The following UQCC1 variants were observed in gnomAD, a reference collection of about 807,000 sequenced individuals.
The protein encoded by UQCC1 is ubiquinol-cytochrome c reductase complex assembly factor 1, also known as bFGF-repressed Zic-binding protein.
A neutral mutation model predicts 48.0 loss-of-function variants in UQCC1; 38 were observed. The ratio of observed to expected loss-of-function variants is 0.79; its 90% CI spans 0.61 to 1.04. The LOEUF (loss-of-function observed/expected upper bound fraction) is 1.04, where lower values mean the gene tolerates loss of function less well. Among genes scored for constraint, UQCC1 ranks in the 50% least tolerant of loss-of-function variants. The pLI is 0.00. For missense variants in UQCC1, 368 were observed against 381.8 expected, an observed-to-expected ratio of 0.96 and a Z score of 0.30; for synonymous variants, 111 against 129.2, an observed-to-expected ratio of 0.86 and a Z score of 0.95.
chr20:35,346,634 T>TAA (rs1356876323), intron 7 of UQCC1: 40 of 174,962 alleles, frequency 2.3e-4, no homozygotes, highest in South Asian at 1.8e-3. Flanking sequence ...TATATATATA[T>TAA]AATATATTCC....
At chr20:35,397,173 T>C (rs6088817) in intron 1 of UQCC1, among the ~76,000 whole-genome samples, 77,192 of 145,996 alleles carry the variant, frequency 0.53, 21,817 homozygotes, top group East Asian at 0.72. Context: ...CACTCCAGCC[T>C]GGGCGATAGA....
intron 7 of UQCC1, among the ~76,000 whole-genome samples, chr20:35,340,603 G>A (rs1158849637): frequency 6.6e-6 from 1 of 152,082 alleles, no homozygotes; most frequent in Non-Finnish European, 1.5e-5. Context: ...TCCCACCTCA[G>A]CCTCCCACAG....
At chr20:35,379,968 T>C (rs1022389287) in intron 4 of UQCC1, among the ~76,000 whole-genome samples, 4 of 152,078 alleles carry the variant, frequency 2.6e-5, no homozygotes, top group African/African-American at 9.7e-5. Flanking sequence ...GCAAAGGAAT[T>C]TTCCTGATGA....
chr20:35,400,178 G>A (rs1022387070), intron 1 of UQCC1, among the ~76,000 whole-genome samples: 7 of 151,898 alleles, frequency 4.6e-5, no homozygotes, highest in Admixed American at 2.6e-4. Context: ...CACCGGCCTC[G>A]GCTTCCCAAA....
intron 6 of UQCC1, among the ~76,000 whole-genome samples, chr20:35,355,876 C>T (rs1002400824): frequency 6.6e-6 from 1 of 150,600 alleles, no homozygotes; most frequent in African/African-American, 2.5e-5. Context: ...GCATTCTACA[C>T]ATACTATCTT....
chr20:35,378,608 C>T (rs529643045), intron 4 of UQCC1, among the ~76,000 whole-genome samples: 6 of 152,080 alleles, frequency 3.9e-5, no homozygotes, highest in Admixed American at 1.3e-4. Context: ...CCAGCCTGGG[C>T]GACAGAGCGA....
chr20:35,332,978 A>G (rs1032734830), intron 7 of UQCC1, among the ~76,000 whole-genome samples: 20 of 152,212 alleles, frequency 1.3e-4, no homozygotes, highest in Admixed American at 4.6e-4. Flanking sequence ...CTCATTTAAC[A>G]TAAGTGACTT....
chr20:35,303,960 G>T lies in UQCC1; in HGVS notation c.875C>A (p.Pro292Gln). 6.2e-7 allele frequency: 1 copy of T among 1,614,200 alleles called. No homozygotes were observed. The highest frequency in any genetic ancestry group is 8.5e-7 in the Non-Finnish European group (1 of 1,180,032). Residue 292 changes from proline to glutamine, a missense_variant, in exon 10 of 10, where the codon CCG (proline) becomes CAG (glutamine). Pro to Gln is a moderately conservative substitution (Grantham distance 76). Transcript: ENST00000374385. ...TCAAAGTCCCTCGTCGTTGTAAGTC[G>T]GAGAATGGGGCTTCAGGATGCTCTG... ...NPQSILKPHS[P>Q]TYNDEGL is the part of the protein sequence containing the mutation.
intron 8 of UQCC1, among the ~76,000 whole-genome samples, chr20:35,313,575 A>T (rs1159947052): frequency 6.6e-6 from 1 of 152,042 alleles, no homozygotes; most frequent in Non-Finnish European, 1.5e-5. Context: ...ATAAACTAGA[A>T]ATTAAGTTTT....
In UQCC1 at chr20:35,321,202, G is replaced by A. The variant is rs1600868124; in HGVS notation, c.574-6437C>T. On this transcript the variant is annotated intron_variant, in intron 7 of 9. Coordinates refer to ENST00000374385, the MANE Select transcript of UQCC1 (RefSeq NM_018244.5). Reference sequence around the variant, plus strand: ...CTGTTAACTCACATGCATTACGACTGAAAGATCTATTGAGGGTCTTTTAGC... The same window carrying A: ...CTGTTAACTCACATGCATTACGACTAAAAGATCTATTGAGGGTCTTTTAGC... 2.0e-5 allele frequency among the ~76,000 whole-genome samples: 3 copies of A among 152,180 alleles called. No homozygotes were observed. In the East Asian group the frequency reaches 5.8e-4, roughly 30 times the overall value.
chr20:35,321,283 T>TGTGTGTGTGC lies in UQCC1; in HGVS notation c.574-6519_574-6518insGCACACACAC, dbSNP rs1389196330. On this transcript the variant is annotated intron_variant, in intron 7 of 9. Transcript: ENST00000374385. ...GTGTGTGTGTGTGTGTGTGTGTGTG[T>TGTGTGTGTGC]GCGCGCGCGCGCGCGCACGCTCAGG... 8.6e-4 allele frequency among the ~76,000 whole-genome samples: 122 copies of TGTGTGTGTGC among 141,580 alleles called. 1 individual carries two copies. Among genetic ancestry groups the TGTGTGTGTGC allele is most frequent in the African/African-American group, 2.9e-3 (101 of 34,576 alleles). 92.9% of individuals were successfully genotyped at this position (141,580 alleles called of 152,430 possible).
intron 7 of UQCC1, among the ~76,000 whole-genome samples, chr20:35,323,491 A>C (rs1353545627): frequency 6.6e-6 from 1 of 152,242 alleles, no homozygotes; most frequent in Non-Finnish European, 1.5e-5. Context: ...ATTAAAGGAA[A>C]AGCCATATGC....
At chr20:35,389,380 C>T (rs537586286) in intron 2 of UQCC1, among the ~76,000 whole-genome samples, 8 of 151,756 alleles carry the variant, frequency 5.3e-5, no homozygotes, top group African/African-American at 9.7e-5. Context: ...CTGGCCAACA[C>T]GGTGAAACCC....
At chr20:35,379,303 C>T (rs2061838906) in intron 4 of UQCC1, among the ~76,000 whole-genome samples, 1 of 152,190 alleles carries the variant, frequency 6.6e-6, no homozygotes, top group Non-Finnish European at 1.5e-5. Flanking sequence ...TGTGGACAGA[C>T]ATGCAGGTAT....
chr20:35,385,051 T>C (rs576268532), intron 2 of UQCC1, among the ~76,000 whole-genome samples: 12 of 150,528 alleles, frequency 8.0e-5, no homozygotes, highest in Middle Eastern at 3.5e-3. Flanking sequence ...AACAGAACTG[T>C]AGTATCTATC....
At chr20:35,309,855 G>T (rs1600850371) in intron 8 of UQCC1, among the ~76,000 whole-genome samples, 1 of 152,226 alleles carries the variant, frequency 6.6e-6, no homozygotes, top group Non-Finnish European at 1.5e-5. Context: ...CAGCAATATG[G>T]TCTGAGCTCT....
At chr20:35,352,159 C>T (rs1333282479) in intron 6 of UQCC1, among the ~76,000 whole-genome samples, 15 of 152,170 alleles carry the variant, frequency 9.9e-5, no homozygotes, top group Non-Finnish European at 1.5e-5. Flanking sequence ...GAAGGATAAG[C>T]TGAAGTTGAA....
intron 7 of UQCC1, among the ~76,000 whole-genome samples, chr20:35,316,890 G>GTGATCCACCCGCCTCC (rs2146314296): frequency 6.6e-6 from 1 of 151,360 alleles, no homozygotes; most frequent in Non-Finnish European, 1.5e-5. Context: ...CACCCGCCTC[G>GTGATCCACCCGCCTCC]GCCTCCTAAA....
intron 7 of UQCC1, among the ~76,000 whole-genome samples, chr20:35,329,642 A>T (rs1051054259): frequency 6.6e-6 from 1 of 152,200 alleles, no homozygotes; most frequent in African/African-American, 2.4e-5. Flanking sequence ...TGAAAGAAAC[A>T]TCTGTCTCTA....
Sources: gnomAD v4.1 joint callset for allele counts (sites outside exome capture counted in the v4.1 genomes callset) on GRCh38, gnomAD v4.1.1 for gene constraint, MANE v1.5 for transcripts, NCBI Gene and HGNC (gene_info 2026-07-23, HGNC 2026-07-21) for gene names.